The following CR1L variants were observed in gnomAD, a reference collection of about 807,000 sequenced individuals.
The protein encoded by CR1L is complement component receptor 1-like protein.
A neutral mutation model predicts 62.3 loss-of-function variants in CR1L; 59 were observed. The ratio of observed to expected loss-of-function variants is 0.95; its 90% confidence interval spans 0.77 to 1.18. The LOEUF is 1.18. Among genes scored for constraint, CR1L ranks in the 50% most tolerant of loss-of-function variants. The pLI is 0.00. For synonymous variants in CR1L, 279 were observed against 248.7 expected, an observed-to-expected ratio of 1.12 and a Z score of -1.15; for missense variants, 700 against 702.8, an observed-to-expected ratio of 1.00 and a Z score of 0.04.
chr1:207,684,345 G>A (rs796365509), intron 4 of CR1L, among the ~76,000 whole-genome samples: 6 of 152,154 alleles, frequency 3.9e-5, no homozygotes, highest in East Asian at 1.9e-4. Context: ...CATGTACCAC[G>A]AGATCAACAC....
chr1:207,702,207 T>A (rs1189839467), intron 9 of CR1L, among the ~76,000 whole-genome samples: 1 of 152,232 alleles, frequency 6.6e-6, no homozygotes, highest in Non-Finnish European at 1.5e-5. Context: ...TCTGTGATAG[T>A]GATCTGTCTT....
At chr1:207,719,957 A>G (rs1003982456) in intron 11 of CR1L, among the ~76,000 whole-genome samples, 1 of 152,240 alleles carries the variant, frequency 6.6e-6, no homozygotes, top group African/African-American at 2.4e-5. Context: ...GGACCTAAAT[A>G]TATAATTCAA....
At chr1:207,707,350 G>A (rs1029678270) in intron 9 of CR1L, among the ~76,000 whole-genome samples, 5 of 152,218 alleles carry the variant, frequency 3.3e-5, no homozygotes, top group East Asian at 1.9e-4. Flanking sequence ...TGACAAGGCC[G>A]AGCACAGTGG....
intron 11 of CR1L, among the ~76,000 whole-genome samples, chr1:207,720,505 A>AG: frequency 6.6e-6 from 1 of 152,276 alleles, no homozygotes; most frequent in Non-Finnish European, 1.5e-5. Flanking sequence ...AAAGAGAAAA[A>AG]GGAACCTTTG....
chr1:207,720,673 T>C (rs895532378), intron 11 of CR1L, among the ~76,000 whole-genome samples: 2 of 152,190 alleles, frequency 1.3e-5, no homozygotes, highest in African/African-American at 4.8e-5. Context: ...AATTAATACA[T>C]ATAACCCATA....
intron 5 of CR1L, among the ~76,000 whole-genome samples, chr1:207,696,235 T>C (rs1316501350): frequency 6.6e-6 from 1 of 152,202 alleles, no homozygotes; most frequent in African/African-American, 2.4e-5. Context: ...GCAGCTGATA[T>C]TGCTGGAGCC....
At chr1:207,702,986 A>T (rs1199314757) in intron 9 of CR1L, among the ~76,000 whole-genome samples, 1 of 152,212 alleles carries the variant, frequency 6.6e-6, no homozygotes, top group Non-Finnish European at 1.5e-5. Flanking sequence ...CGGGAGTCTG[A>T]GGCATGAGAA....
At chr1:207,713,042 C>T (rs1251886626) in intron 10 of CR1L, among the ~76,000 whole-genome samples, 1 of 151,798 alleles carries the variant, frequency 6.6e-6, no homozygotes, top group African/African-American at 2.4e-5. Flanking sequence ...AAGAAGTACC[C>T]AGAGAGATTA....
chr1:207,684,414 A>G (rs973006874), intron 4 of CR1L, among the ~76,000 whole-genome samples: 2 of 152,198 alleles, frequency 1.3e-5, no homozygotes, highest in Non-Finnish European at 2.9e-5. Flanking sequence ...ATTTTAACCT[A>G]CTTCTTAGAA....
At chr1:207,722,058 ATTTG>A (rs376072951) in intron 11 of CR1L, among the ~76,000 whole-genome samples, 3,326 of 68,038 alleles carry the variant, frequency 0.049, 197 homozygotes, top group Non-Finnish European at 0.08. Context: ...TTTCTTGTAA[ATTTG>A]TTTGAGTTCA....
chr1:207,682,408 G>T (rs1214392303), intron 3 of CR1L, among the ~76,000 whole-genome samples: 3 of 152,078 alleles, frequency 2.0e-5, no homozygotes, highest in Admixed American at 2.0e-4. Context: ...GGAGGTGGAG[G>T]TTGCAGTGAC....
rs781032611 is a variant in CR1L, at chr1:207,697,537, G to C, written c.897G>C (p.Glu299Asp). 1 of 1,613,772 alleles carries C rather than the reference G, an allele frequency of 6.2e-7. No homozygotes were observed. The highest frequency in any genetic ancestry group is 8.5e-7 in the Non-Finnish European group (1 of 1,179,732). Residue 299 changes from glutamate (E) to aspartate (D), a missense_variant, in exon 6 of 12, where the codon GAG becomes GAC. By Grantham distance (45) the Glu-to-Asp change is conservative (BLOSUM62 2). Coordinates refer to ENST00000508064, the MANE Select transcript of CR1L (RefSeq NM_175710.2). ...CQPPPDVLHA[E>D]RTQRDKDNFS... ...CACCTCCAGATGTCCTGCATGCTGA[G>C]CGTACCCAAAGGGACAAGGACAACT...
rs1278728879 is a variant in CR1L at position 207,649,003 on chromosome 1, T to C, written c.97+3673T>C. Among the ~76,000 whole-genome samples the C allele has an allele frequency of 3.9e-5, 6 of 152,340 alleles. No individual in the cohort carries two copies. In the East Asian group the frequency reaches 1.2e-3, roughly 29 times the overall value. ...AGCTACTATGAGGGACATATTGTGCTGGGTGTTGTGGCCACATGGATGAAT... is the reference window on the plus strand; with the variant it reads ...AGCTACTATGAGGGACATATTGTGCCGGGTGTTGTGGCCACATGGATGAAT... On this transcript the variant is annotated intron_variant, in intron 1 of 11. Coordinates refer to ENST00000508064, the MANE Select transcript of CR1L (RefSeq NM_175710.2).
chr1:207,664,593 G>C lies in CR1L; in HGVS notation c.98-12796G>C, dbSNP rs1275864154. The stretch of plus-strand genomic sequence containing the variant: ...CCAGGCTTACTCACATGCTCCTAGT[G>C]GGTATATGTACTAATACTAAGTTTG... On this transcript the variant is annotated intron_variant, in intron 1 of 11. Coordinates refer to ENST00000508064, the MANE Select transcript of CR1L (RefSeq NM_175710.2). Among the ~76,000 whole-genome samples the C allele has an allele frequency of 3.9e-5, 6 of 152,182 alleles. No individual in the cohort carries two copies. In the East Asian group the frequency reaches 1.2e-3, roughly 29 times the overall value.
At chr1:207,655,182 C>T (rs2102441643) in intron 1 of CR1L, 2 of 592,276 alleles carry the variant, frequency 3.4e-6, no homozygotes, top group African/African-American at 1.9e-5. Context: ...CTTTCTTTTC[C>T]CATTTAGTTA....
intron 4 of CR1L, chr1:207,684,169 G>T (rs1050005747): frequency 5.1e-6 from 2 of 391,640 alleles, no homozygotes; most frequent in Non-Finnish European, 9.0e-6. Flanking sequence ...AATTCTAGGG[G>T]CCTAAATACG....
chr1:207,666,635 A>C (rs949930872), intron 1 of CR1L, among the ~76,000 whole-genome samples: 4 of 152,192 alleles, frequency 2.6e-5, no homozygotes, highest in Admixed American at 6.5e-5. Flanking sequence ...CTCACTTATA[A>C]ATGGGAGCTG....
chr1:207,677,550 G>A lies in CR1L; in HGVS notation c.259G>A (p.Ala87Thr). The change falls in exon 2 of 12, where the codon GCT becomes ACT. Residue 87 changes from alanine to threonine, a missense_variant. Physicochemically the swap from Ala to Thr is moderately conservative, Grantham distance 58. Transcript: ENST00000508064. ...CCTAAAAAACTCAGTCTGGACAAGTGCTAAGGACAAGTGCAAACGTAAGTA... is the reference window on the plus strand; with the variant it reads ...CCTAAAAAACTCAGTCTGGACAAGTACTAAGGACAAGTGCAAACGTAAGTA... ...ICLKNSVWTS[A>T]KDKCKRKSCR... 6.2e-7 allele frequency: 1 copy of A among 1,613,772 alleles called. No individual in the cohort carries two copies. The highest frequency in any genetic ancestry group is 8.5e-7 in the Non-Finnish European group (1 of 1,179,746).
At position 207,645,199 on chromosome 1, in the gene CR1L, C is replaced by T. The variant is rs759518143; in HGVS notation, c.-35C>T. On this transcript the variant is annotated 5_prime_UTR_variant, in exon 1 of 12. Transcript: ENST00000508064. The stretch of plus-strand genomic sequence containing the variant: ...GGCTGGCTTTCGGTTTCTCTGCTCA[C>T]CTCCGGATAAATCACGGGGTCTCCC... 4 of 1,607,690 alleles carry T rather than the reference C, an allele frequency of 2.5e-6. No individual in the cohort carries two copies. The South Asian group carries it at 4.4e-5, about 18-fold the overall frequency.
Sources: allele counts gnomAD v4.1 joint callset (sites outside exome capture counted in the v4.1 genomes callset), GRCh38; gene constraint gnomAD v4.1.1; transcripts MANE v1.5; gene names NCBI Gene and HGNC (gene_info 2026-07-23, HGNC 2026-07-21).